Variants in UTP20 observed in about 807,000 individuals in gnomAD.
The protein encoded by UTP20 is small subunit processome component 20 homolog.
Under a neutral mutation model 329.5 loss-of-function variants are expected in UTP20, and 164 were observed. The ratio of observed to expected loss-of-function variants is 0.50; its 90% CI spans 0.44 to 0.57. UTP20 has a LOEUF of 0.57. Among genes scored for constraint, UTP20 ranks in the 20% least tolerant of loss-of-function variants. The pLI, the probability that UTP20 is intolerant of heterozygous loss-of-function variation, is 0.00. For missense variants in UTP20, 3,055 were observed against 3,284.2 expected, an observed-to-expected ratio of 0.93 and a Z score of 1.71; for synonymous variants, 1,151 against 1,159.3, an observed-to-expected ratio of 0.99 and a Z score of 0.14.
chr12:101,281,775 G>A (rs1226445553), intron 2 of UTP20, among the ~76,000 whole-genome samples: 1 of 151,952 alleles, frequency 6.6e-6, no homozygotes, highest in Non-Finnish European at 1.5e-5. Context: ...CGTGATCTTG[G>A]CTCACTGCAA....
chr12:101,373,062 G>A, intron 52 of UTP20, 99 bp downstream of exon 52: 1 of 992,372 alleles, frequency 1.0e-6, no homozygotes, highest in Non-Finnish European at 1.6e-6. Flanking sequence ...AAGTATAATG[G>A]TACATTCTCT....
At position 101,295,480 on chromosome 12, in the gene UTP20, C is replaced by A; in HGVS notation, c.1252C>A (p.Leu418Ile). ...VMFAMKQFEQ[L>I]FLPSFLSYIV... ...GTGATTTTTTTTTTCTTAACTTTAGCTTTTTCTACCAAGCTTTCTGTCATA... is the reference window on the plus strand; with the variant it reads ...GTGATTTTTTTTTTCTTAACTTTAGATTTTTCTACCAAGCTTTCTGTCATA... Residue 418 changes from leucine to isoleucine, a missense_variant and splice_region_variant, in exon 12 of 62, where the codon CTT becomes ATT. Physicochemically the swap from Leu to Ile is conservative, Grantham distance 5. Coordinates refer to ENST00000261637, the MANE Select transcript of UTP20 (RefSeq NM_014503.3). 1.3e-6 allele frequency: 2 copies of A among 1,558,380 alleles called. No individual in the cohort carries two copies. Among genetic ancestry groups the A allele is most frequent in the Non-Finnish European group, 8.7e-7 (1 of 1,148,756 alleles).
intron 21 of UTP20, among the ~76,000 whole-genome samples, chr12:101,317,009 C>T (rs1872990995): frequency 6.6e-6 from 1 of 152,128 alleles, no homozygotes; most frequent in African/African-American, 2.4e-5. Context: ...ATGGTAGTTC[C>T]ATCTGTCTTA....
At chr12:101,374,316 C>A (rs1307159364) in intron 54 of UTP20, among the ~76,000 whole-genome samples, 2 of 152,146 alleles carry the variant, frequency 1.3e-5, no homozygotes, top group Non-Finnish European at 2.9e-5. Context: ...TATTCCACTA[C>A]ATGAATGTAA....
rs1869737460 is a variant in UTP20, at chr12:101,356,783, A to G, written c.5534+90A>G. On this transcript the variant is annotated intron_variant, in intron 42 of 61. Coordinates refer to ENST00000261637, the MANE Select transcript of UTP20 (RefSeq NM_014503.3). ...TTGAGTCTCTTTTGTCAGGAAGAGGAAAAAGTACTGTCATAACTTGCTGTG... is the reference window on the plus strand; with the variant it reads ...TTGAGTCTCTTTTGTCAGGAAGAGGGAAAAGTACTGTCATAACTTGCTGTG... 4.0e-6 allele frequency: 6 copies of G among 1,513,066 alleles called. No homozygotes were observed. The East Asian group carries it at 1.4e-4, about 35-fold the overall frequency. 93.7% of individuals were successfully genotyped at this position (1,513,066 alleles called of 1,614,324 possible).
rs1329897712 is a variant in UTP20 at position 101,379,469 on chromosome 12, C to G, written c.7495C>G (p.Leu2499Val). 2.5e-6 allele frequency: 4 copies of G among 1,613,978 alleles called. No homozygotes were observed. The East Asian group carries it at 8.9e-5, about 36-fold the overall frequency. ...CTTTGCCTCTTGCCAGCCAGAGGAG[C>G]TTATTCAAAAATGGAATACCAAAAA... ...LLFASCQPEE[L>V]IQKWNTKKTK... The change falls in exon 57 of 62, where the codon CTT (leucine) becomes GTT (valine). Residue 2499 changes from leucine to valine, a missense_variant. Leu to Val is a conservative substitution (Grantham distance 32). Coordinates refer to ENST00000261637, the MANE Select transcript of UTP20 (RefSeq NM_014503.3).
At chr12:101,294,661 G>A (rs1428433249) in intron 11 of UTP20, among the ~76,000 whole-genome samples, 2 of 151,034 alleles carry the variant, frequency 1.3e-5, no homozygotes, top group African/African-American at 4.9e-5. Flanking sequence ...TCCTGCTTCA[G>A]GCTCCTGAGT....
rs113954350 is a variant in UTP20 at position 101,367,937 on chromosome 12, G to T, written c.6345G>T (p.Val2115=). 2 of 1,613,728 alleles carry T rather than the reference G, an allele frequency of 1.2e-6. No individual in the cohort carries two copies. Among genetic ancestry groups the T allele is most frequent in the Non-Finnish European group, 1.7e-6 (2 of 1,179,758 alleles). Residue 2115 remains valine (V), a synonymous_variant, in exon 48 of 62, where the codon GTG becomes GTT. Transcript: ENST00000261637. ...ECVLEMLDPF[V]SLLIDCLGSM... is the part of the protein sequence containing the mutation. ...TCCTGGAAATGCTGGATCCTTTTGT[G>T]TCTCTCCTCATAGACTGCCTGGGCT...
chr12:101,343,961 G>A lies in UTP20; in HGVS notation c.4450-634G>A, dbSNP rs944917335. On this transcript the variant is annotated intron_variant, in intron 35 of 61. Coordinates refer to ENST00000261637, the MANE Select transcript of UTP20 (RefSeq NM_014503.3). ...TTTGGAATATATTAAGTGCTATGTT[G>A]CTGAACTAAATTAAAATCCAAAAAT... 3.3e-5 allele frequency among the ~76,000 whole-genome samples: 5 copies of A among 152,148 alleles called. No homozygotes were observed. In the South Asian group the frequency reaches 8.3e-4, roughly 25 times the overall value.
rs1469615673 is a variant in UTP20 at position 101,372,880 on chromosome 12, C to T, written c.6799-4C>T. 19 of 1,612,670 alleles carry T rather than the reference C, an allele frequency of 1.2e-5. No individual in the cohort carries two copies. Among genetic ancestry groups the T allele is most frequent in the Non-Finnish European group, 1.4e-5 (16 of 1,178,862 alleles). Reference sequence around the variant, plus strand: ...ATAATCATCTGTGTGACTTTTGTTCCTAGGTTTTTCTGAAATATATTCTTG... The same window carrying T: ...ATAATCATCTGTGTGACTTTTGTTCTTAGGTTTTTCTGAAATATATTCTTG... On this transcript the variant is annotated splice_region_variant and splice_polypyrimidine_tract_variant and intron_variant, in intron 51 of 61. Transcript: ENST00000261637.
At position 101,329,380 on chromosome 12, in the gene UTP20, G is replaced by C; in HGVS notation, c.3348G>C (p.Leu1116=). ...KNISHLISAY[L]PKILQILLCM... is the part of the protein sequence containing the mutation. ...TTAGTCATCTGATCAGCGCATACCT[G>C]CCGAAGATTTTGCAGATACTGCTCT... Residue 1116 remains leucine (L), a synonymous_variant, in exon 27 of 62, where the codon CTG becomes CTC. Transcript: ENST00000261637. The C allele has an allele frequency of 1.2e-6, 2 of 1,614,034 alleles. No individual in the cohort carries two copies. The highest frequency in any genetic ancestry group is 1.7e-6 in the Non-Finnish European group (2 of 1,179,984).
chr12:101,336,844 A>T (rs564157589), intron 29 of UTP20, among the ~76,000 whole-genome samples: 1 of 152,352 alleles, frequency 6.6e-6, no homozygotes, highest in South Asian at 2.1e-4. Flanking sequence ...GTTAGCATGT[A>T]GCATGCTCAT....
intron 25 of UTP20, among the ~76,000 whole-genome samples, chr12:101,324,395 G>C (rs544968741): frequency 1.3e-5 from 2 of 151,838 alleles, no homozygotes; most frequent in African/African-American, 4.8e-5. Context: ...GTGCCAAAAC[G>C]CCCAGTTAAT....
At chr12:101,370,318 G>T in intron 49 of UTP20, 114 bp from the exon 50 acceptor site, 1 of 1,294,932 alleles carries the variant, frequency 7.7e-7, no homozygotes. Context: ...AAGGCTAGAG[G>T]GCTGGCACCC....
chr12:101,340,676 A>T, intron 32 of UTP20, 66 bp downstream of exon 32: 5 of 981,860 alleles, frequency 5.1e-6, no homozygotes, highest in Non-Finnish European at 7.9e-6. Flanking sequence ...TTTAATTGCG[A>T]GCAGCAATTT....
intron 43 of UTP20, among the ~76,000 whole-genome samples, chr12:101,360,657 T>G (rs2120996239): frequency 6.6e-6 from 1 of 152,178 alleles, no homozygotes; most frequent in East Asian, 1.9e-4. Context: ...AAACCCTGTC[T>G]CTACTAAAAA....
intron 21 of UTP20, among the ~76,000 whole-genome samples, chr12:101,314,348 A>C (rs1407457563): frequency 1.3e-5 from 2 of 152,126 alleles, no homozygotes; most frequent in Non-Finnish European, 2.9e-5. Context: ...TTAATCTGAT[A>C]GGGATGACAG....
chr12:101,345,424 C>A, intron 36 of UTP20, 130 bp from the exon 37 acceptor site: 1 of 649,422 alleles, frequency 1.5e-6, no homozygotes, highest in Non-Finnish European at 2.5e-6. Context: ...TGGGCTCAAG[C>A]AATCCTGACT....
At chr12:101,288,597 T>C (rs776784278) in intron 5 of UTP20, among the ~76,000 whole-genome samples, 36 of 152,242 alleles carry the variant, frequency 2.4e-4, no homozygotes, top group Non-Finnish European at 3.7e-4. Flanking sequence ...TGGACCAGCC[T>C]CCTTGTCATG....
Sources: gnomAD v4.1 joint callset for allele counts (sites outside exome capture counted in the v4.1 genomes callset) on GRCh38, gnomAD v4.1.1 for gene constraint, MANE v1.5 for transcripts, NCBI Gene and HGNC (gene_info 2026-07-23, HGNC 2026-07-21) for gene names.